PHC2: variants seen among roughly 807,000 people sequenced by gnomAD.
PHC2 encodes the protein polyhomeotic homolog 2.
A neutral mutation model predicts 87.4 loss-of-function variants in PHC2; 29 were observed. That is an observed-to-expected ratio of 0.33 (90% CI 0.25 to 0.45). PHC2 has a LOEUF of 0.45. Among genes scored for constraint, PHC2 ranks in the 20% least tolerant of loss-of-function variants. The probability of loss-of-function intolerance (pLI) is 1.00; values close to 1 mark genes in which losing one functional copy is unlikely to be tolerated. For missense variants in PHC2, 857 were observed against 1,136.7 expected (o/e 0.75, Z 3.54); for synonymous variants, 438 against 461.7 (o/e 0.95, Z 0.66).
At chr1:33,390,786 C>T (rs1250998069) in intron 1 of PHC2, among the ~76,000 whole-genome samples, 1 of 151,760 alleles carries the variant, frequency 6.6e-6, no homozygotes, top group Non-Finnish European at 1.5e-5. Flanking sequence ...TTCCTCACCC[C>T]CTCCAACCAT....
At chr1:33,399,164 A>T (rs1387122815) in intron 1 of PHC2, among the ~76,000 whole-genome samples, 1 of 152,182 alleles carries the variant, frequency 6.6e-6, no homozygotes, top group Non-Finnish European at 1.5e-5. Context: ...GACTAGGACA[A>T]GGTGCTATGC....
chr1:33,363,751 GCA>G, intron 7 of PHC2: 1 of 985,128 alleles, frequency 1.0e-6, no homozygotes, highest in Non-Finnish European at 1.2e-6. Flanking sequence ...GCCTGAGTGT[GCA>G]CCCAAAGCCT....
intron 7 of PHC2, among the ~76,000 whole-genome samples, chr1:33,358,512 C>A (rs567929131): frequency 2.6e-5 from 4 of 151,158 alleles, no homozygotes; most frequent in South Asian, 2.1e-4. Context: ...TATCCTGGAT[C>A]AAAAAAAAAT....
At chr1:33,426,210 T>G (rs1424891733) in intron 1 of PHC2, among the ~76,000 whole-genome samples, 1 of 152,148 alleles carries the variant, frequency 6.6e-6, no homozygotes, top group African/African-American at 2.4e-5. Flanking sequence ...GAAGTTTCTG[T>G]TTTTCATGAT....
rs190594475 is a variant in PHC2 at position 33,424,092 on chromosome 1, C to T, written c.-55+6884G>A. ...CAGCCAGGTCGACAGAACGAGACTC[C>T]GTCTCAAAAAAAAAAAAAACAAAAA... is the stretch of plus-strand genomic sequence containing the variant. On this transcript the variant is annotated intron_variant, in intron 1 of 14. Coordinates refer to ENST00000683057, the MANE Select transcript of PHC2 (RefSeq NM_001385109.1). Among the ~76,000 whole-genome samples, 1,013 of 129,382 alleles carry T rather than the reference C, an allele frequency of 7.8e-3. 41 individuals carry two copies. Among genetic ancestry groups the T allele is most frequent in the Admixed American group, 0.067 (859 of 12,832 alleles). 84.9% of individuals were successfully genotyped at this position (129,382 alleles called of 152,430 possible).
chr1:33,379,301 G>GCCCCCCCC (rs1184790472), intron 1 of PHC2, among the ~76,000 whole-genome samples: 8 of 13,884 alleles, frequency 5.8e-4, no homozygotes, highest in African/African-American at 2.0e-3. Context: ...CCGCCCCCCT[G>GCCCCCCCC]CCCCCCCACC....
At position 33,367,987 on chromosome 1, in the gene PHC2, C is replaced by G. The variant is rs1229613334; in HGVS notation, c.663+549G>C. Reference sequence around the variant, plus strand: ...GGAGGCTGTGCCAGACTCTGAAAATCCGGCTACCAGCCCTGTCCCATCACC... The same window carrying G: ...GGAGGCTGTGCCAGACTCTGAAAATGCGGCTACCAGCCCTGTCCCATCACC... On this transcript the variant is annotated intron_variant, in intron 6 of 14. Transcript: ENST00000683057. Among the ~76,000 whole-genome samples the G allele has an allele frequency of 2.6e-5, 4 of 152,182 alleles. No individual in the cohort carries two copies. In the East Asian group the frequency reaches 7.7e-4, roughly 29 times the overall value.
At position 33,430,081 on chromosome 1, in the gene PHC2, G is replaced by A. The variant is rs185521588; in HGVS notation, c.-55+895C>T. Among the ~76,000 whole-genome samples the A allele has an allele frequency of 5.3e-5, 8 of 152,258 alleles. No homozygotes were observed. The East Asian group carries it at 1.5e-3, about 29-fold the overall frequency. On this transcript the variant is annotated intron_variant, in intron 1 of 14. Coordinates refer to ENST00000683057, the MANE Select transcript of PHC2 (RefSeq NM_001385109.1). ...GCTGCCACCAGTCTTAGTGAATTGG[G>A]GGAGGGGGATAATTACAAGAAGACA...
intron 1 of PHC2, among the ~76,000 whole-genome samples, chr1:33,389,805 C>T (rs1256791486): frequency 6.6e-6 from 1 of 152,078 alleles, no homozygotes; most frequent in African/African-American, 2.4e-5. Flanking sequence ...TTTGCCTTTC[C>T]TCTGTTAGCA....
At position 33,334,366 on chromosome 1, in the gene PHC2, G is replaced by A; in HGVS notation, c.1559-74C>T. 2 of 1,389,618 alleles carry A rather than the reference G, an allele frequency of 1.4e-6. No homozygotes were observed. The highest frequency in any genetic ancestry group is 1.0e-6 in the Non-Finnish European group (1 of 994,684). The allele number at this position is 1,389,618 out of a possible 1,614,324, so 86.1% of individuals were successfully genotyped here. ...GTCCACGCCCAGGGAGGGACAGCAA[G>A]GACTCAAACTGCGCCCGGCTTTTAC... On this transcript the variant is annotated intron_variant, in intron 9 of 14. Transcript: ENST00000683057. This position sits in a 1 kb window ranked among gnomAD's most constrained non-coding sequence, Gnocchi z 5.5.
intron 1 of PHC2, among the ~76,000 whole-genome samples, chr1:33,398,893 G>C (rs1649402256): frequency 6.6e-6 from 1 of 152,154 alleles, no homozygotes; most frequent in African/African-American, 2.4e-5. Flanking sequence ...AGTGTTCTTG[G>C]GGCAAGTCCA....
At position 33,368,278 on chromosome 1, in the gene PHC2, C is replaced by G. The variant is rs1272409091; in HGVS notation, c.663+258G>C. On this transcript the variant is annotated intron_variant, in intron 6 of 14. Transcript: ENST00000683057. This position sits in a 1 kb window ranked among gnomAD's most constrained non-coding sequence, Gnocchi z 6.6. ...AAGTATGGAGGGTAGCACAGCCCAC[C>G]CCTCCCTGGCAAATCATGCTGGCCT... is the stretch of plus-strand genomic sequence containing the variant. 1.3e-5 allele frequency among the ~76,000 whole-genome samples: 2 copies of G among 152,212 alleles called. No homozygotes were observed. The highest frequency in any genetic ancestry group is 1.5e-5 in the Non-Finnish European group (1 of 68,026).
intron 1 of PHC2, among the ~76,000 whole-genome samples, chr1:33,417,571 A>G (rs1351067343): frequency 1.3e-5 from 2 of 152,138 alleles, no homozygotes; most frequent in African/African-American, 4.8e-5. Flanking sequence ...CAGTTCATCA[A>G]GAGAACACAC....
intron 1 of PHC2, among the ~76,000 whole-genome samples, chr1:33,377,320 GA>G (rs1274915825): frequency 1.3e-5 from 2 of 152,188 alleles, no homozygotes; most frequent in African/African-American, 2.4e-5. Context: ...AGATCCAATA[GA>G]TAGGGTCTCT....
intron 1 of PHC2, among the ~76,000 whole-genome samples, chr1:33,430,370 C>T (rs1650856133): frequency 6.6e-6 from 1 of 152,210 alleles, no homozygotes; most frequent in African/African-American, 2.4e-5. Flanking sequence ...CCAGTTCCAG[C>T]AACCCCCGGT....
At chr1:33,399,220 C>T (rs1649416132) in intron 1 of PHC2, among the ~76,000 whole-genome samples, 1 of 152,064 alleles carries the variant, frequency 6.6e-6, no homozygotes, top group African/African-American at 2.4e-5. Flanking sequence ...AAAGAACAAT[C>T]CTTGAAGGGA....
intron 14 of PHC2, among the ~76,000 whole-genome samples, chr1:33,327,039 T>G (rs1318362679): frequency 1.3e-5 from 2 of 152,150 alleles, no homozygotes; most frequent in Non-Finnish European, 2.9e-5. Context: ...ACAGGCTACT[T>G]TTCACAGAAA....
intron 9 of PHC2, among the ~76,000 whole-genome samples, chr1:33,339,246 G>C (rs1463971188): frequency 6.6e-6 from 1 of 152,142 alleles, no homozygotes; most frequent in Non-Finnish European, 1.5e-5. Context: ...CACTAAACTG[G>C]AATGTGTGGC....
chr1:33,325,830 G>A, intron 14 of PHC2: 1 of 456,216 alleles, frequency 2.2e-6, no homozygotes, highest in Non-Finnish European at 4.4e-6. Flanking sequence ...CAGCTCTATA[G>A]ATGTGGGCGT....
Sources: gnomAD v4.1 joint callset for allele counts (sites outside exome capture counted in the v4.1 genomes callset) on GRCh38, gnomAD v4.1.1 for gene constraint, Gnocchi (gnomAD v3.1) non-coding constraint, MANE v1.5 for transcripts, NCBI Gene and HGNC (gene_info 2026-07-23, HGNC 2026-07-21) for gene names.